Variants in MECR observed in about 807,000 individuals in gnomAD.
MECR encodes enoyl-[acyl-carrier-protein] reductase, mitochondrial.
Under a neutral mutation model 49.1 loss-of-function variants are expected in MECR, and 37 were observed. The ratio of observed to expected loss-of-function variants is 0.75; its 90% CI spans 0.58 to 0.99. MECR has a LOEUF of 0.99. Ranked by LOEUF, MECR falls within the 50% of genes least tolerant of loss-of-function variation. MECR has a pLI of 0.00. For synonymous variants in MECR, 198 were observed against 191.1 expected, an observed-to-expected ratio of 1.04 and a Z score of -0.30; for missense variants, 470 against 479.6, an observed-to-expected ratio of 0.98 and a Z score of 0.19.
downstream of MECR, among the ~76,000 whole-genome samples, chr1:29,191,364 C>T (rs756211926): frequency 2.8e-4 from 43 of 151,786 alleles, no homozygotes; most frequent in Non-Finnish European, 4.9e-4. Flanking sequence ...AGTGCAGTGG[C>T]GTGATCTCAG....
intron 4 of MECR, among the ~76,000 whole-genome samples, chr1:29,203,705 A>G (rs1396005251): frequency 6.6e-6 from 1 of 152,116 alleles, no homozygotes; most frequent in East Asian, 1.9e-4. Context: ...CTCTGTGGGC[A>G]TCTGTATTAA....
intron 5 of MECR, 77 bp from the exon 6 acceptor site, chr1:29,202,122 G>GC: frequency 8.0e-7 from 1 of 1,252,676 alleles, no homozygotes; most frequent in Non-Finnish European, 1.2e-6. Context: ...CTCTGCCACA[G>GC]CTGGGAGAAC....
intron 9 of MECR, among the ~76,000 whole-genome samples, chr1:29,194,746 G>A (rs537756732): frequency 6.6e-6 from 1 of 152,322 alleles, no homozygotes; most frequent in East Asian, 1.9e-4. Flanking sequence ...CCTCGGCTGA[G>A]AAGTGTTTTT....
chr1:29,221,193 A>G (rs2151908155), intron 1 of MECR: 1 of 152,262 alleles, frequency 6.6e-6, no homozygotes, highest in South Asian at 2.1e-4. Context: ...CCTGGGCAAC[A>G]GGAGACCCTG....
chr1:29,206,614 A>T, intron 4 of MECR, 148 bp downstream of exon 4: 1 of 886,858 alleles, frequency 1.1e-6, no homozygotes, highest in South Asian at 1.8e-5. Flanking sequence ...CATCTTTCTA[A>T]GTGAAAGCAA....
At chr1:29,219,767 T>C (rs967341391) in intron 1 of MECR, among the ~76,000 whole-genome samples, 1 of 152,206 alleles carries the variant, frequency 6.6e-6, no homozygotes, top group African/African-American at 2.4e-5. Flanking sequence ...AATGTAGGAA[T>C]ACTCAGGCTA....
the MECR span, chr1:29,181,957 GGA>G: frequency 2.5e-6 from 1 of 401,200 alleles, no homozygotes; most frequent in South Asian, 6.3e-5. Context: ...GAAGGTAACC[GGA>G]GAGAGCGCGC....
rs141252860 is a variant in MECR, at chr1:29,200,714, G to A, written c.757-125C>T. On this transcript the variant is annotated intron_variant, in intron 6 of 9. Coordinates refer to ENST00000263702, the MANE Select transcript of MECR (RefSeq NM_016011.5). ...TGTTTATGCCTTTGTTTGCGTGCACGTACTTATGTATATGTGTGTGTGTTT... is the reference window on the plus strand; with the variant it reads ...TGTTTATGCCTTTGTTTGCGTGCACATACTTATGTATATGTGTGTGTGTTT... The A allele has an allele frequency of 3.5e-4, 255 of 720,880 alleles. 1 individual carries two copies. The highest frequency in any genetic ancestry group is 3.1e-3 in the African/African-American group (178 of 57,316). The allele number at this position is 720,880 out of a possible 1,614,324, so 44.7% of individuals were successfully genotyped here.
the MECR span, among the ~76,000 whole-genome samples, chr1:29,184,572 G>A: frequency 4.6e-5 from 7 of 151,944 alleles, no homozygotes; most frequent in Non-Finnish European, 1.0e-4. Context: ...TGGTCAACAT[G>A]GGGAAACCCC....
At chr1:29,204,863 AAC>A (rs1676186630) in intron 4 of MECR, among the ~76,000 whole-genome samples, 1 of 152,266 alleles carries the variant, frequency 6.6e-6, no homozygotes. Flanking sequence ...GGCTCCCAGG[AAC>A]CATCTGCCAT....
chr1:29,214,962 T>C (rs1445878338), intron 3 of MECR, among the ~76,000 whole-genome samples: 1 of 152,034 alleles, frequency 6.6e-6, no homozygotes, highest in East Asian at 1.9e-4. Flanking sequence ...TCAAACAAAA[T>C]CCTACTCATT....
intron 1 of MECR, among the ~76,000 whole-genome samples, chr1:29,219,388 A>C (rs1249152004): frequency 6.6e-6 from 1 of 152,162 alleles, no homozygotes; most frequent in African/African-American, 2.4e-5. Flanking sequence ...TTCTTCCTAT[A>C]GCCCAGAATG....
chr1:29,218,995 C>A (rs1252651889), intron 1 of MECR, among the ~76,000 whole-genome samples: 1 of 152,060 alleles, frequency 6.6e-6, no homozygotes, highest in East Asian at 1.9e-4. Context: ...AAGTGGCTGA[C>A]CTGATTTGAA....
At chr1:29,192,399 T>G (rs1558399874), downstream of MECR, among the ~76,000 whole-genome samples, 1 of 152,202 alleles carries the variant, frequency 6.6e-6, no homozygotes. Context: ...CCTCTAGGAA[T>G]CCTTCCTTGA....
chr1:29,204,404 C>T (rs2151865736), intron 4 of MECR, among the ~76,000 whole-genome samples: 1 of 152,124 alleles, frequency 6.6e-6, no homozygotes, highest in East Asian at 1.9e-4. Flanking sequence ...GGTCAACGTA[C>T]AGGTTGTCAC....
intron 5 of MECR, among the ~76,000 whole-genome samples, chr1:29,202,542 A>G (rs1268163580): frequency 1.3e-5 from 2 of 152,194 alleles, no homozygotes; most frequent in African/African-American, 2.4e-5. Context: ...AGCCACATTC[A>G]TGGACAGTGA....
chr1:29,182,674 G>C, the MECR span, among the ~76,000 whole-genome samples: 4 of 152,124 alleles, frequency 2.6e-5, no homozygotes, highest in African/African-American at 9.7e-5. Context: ...CTCCAGAGTA[G>C]CTGGGACTAC....
At chr1:29,177,763 G>A in the MECR span, among the ~76,000 whole-genome samples, 1 of 152,082 alleles carries the variant, frequency 6.6e-6, no homozygotes, top group African/African-American at 2.4e-5. Context: ...TAAAACGGTA[G>A]GCAATGAACT....
At chr1:29,209,921 G>A (rs985037021) in intron 3 of MECR, among the ~76,000 whole-genome samples, 1 of 152,162 alleles carries the variant, frequency 6.6e-6, no homozygotes. Context: ...GAAGCAGGGG[G>A]CAGCCTGGGT....
Sources: allele counts gnomAD v4.1 joint callset (sites outside exome capture counted in the v4.1 genomes callset), GRCh38; gene constraint gnomAD v4.1.1; transcripts MANE v1.5; gene names NCBI Gene and HGNC (gene_info 2026-07-23, HGNC 2026-07-21).